Variants in TNFSF4 observed in about 807,000 individuals in gnomAD.
TNFSF4 encodes the protein tumor necrosis factor ligand superfamily member 4.
A neutral mutation model predicts 7.3 loss-of-function variants in TNFSF4; 4 were observed. That is an observed-to-expected ratio of 0.55 (90% CI 0.27 to 1.25). The LOEUF is 1.25. Among genes scored for constraint, TNFSF4 ranks in the 50% most tolerant of loss-of-function variants. The pLI, the probability that TNFSF4 is intolerant of heterozygous loss-of-function variation, is 0.12. For synonymous variants in TNFSF4, 76 were observed against 83.7 expected, an observed-to-expected ratio of 0.91 and a Z score of 0.50; for missense variants, 181 against 208.8, an observed-to-expected ratio of 0.87 and a Z score of 0.82.
the TNFSF4 span, among the ~76,000 whole-genome samples, chr1:173,351,007 C>T: frequency 2.0e-5 from 3 of 152,128 alleles, no homozygotes; most frequent in Non-Finnish European, 4.4e-5. Context: ...CACCCAGCAG[C>T]CCATAGGAAA....
At chr1:173,277,990 T>G in the TNFSF4 span, among the ~76,000 whole-genome samples, 1 of 152,004 alleles carries the variant, frequency 6.6e-6, no homozygotes, top group Non-Finnish European at 1.5e-5. Flanking sequence ...GTGTAAAACT[T>G]TAGTGTAGGT....
the TNFSF4 span, among the ~76,000 whole-genome samples, chr1:173,355,903 T>C: frequency 5.9e-5 from 9 of 152,100 alleles, no homozygotes; most frequent in African/African-American, 2.2e-4. Context: ...TAGTCAAGGG[T>C]GAGAATACAG....
the TNFSF4 span, among the ~76,000 whole-genome samples, chr1:173,428,867 C>A: frequency 1.3e-5 from 2 of 152,028 alleles, no homozygotes; most frequent in Non-Finnish European, 2.9e-5. Context: ...TGTGGCCAGG[C>A]ATGGTGGCAG....
the TNFSF4 span, among the ~76,000 whole-genome samples, chr1:173,268,472 A>C: frequency 2.0e-5 from 3 of 152,114 alleles, no homozygotes; most frequent in Non-Finnish European, 4.4e-5. Flanking sequence ...CCCGTAGGCT[A>C]AGGTAAGTTA....
the TNFSF4 span, among the ~76,000 whole-genome samples, chr1:173,430,993 A>C: frequency 6.6e-6 from 1 of 152,228 alleles, no homozygotes; most frequent in South Asian, 2.1e-4. Flanking sequence ...GGTAAATTTG[A>C]ATTTTGAATG....
chr1:173,359,112 T>G, the TNFSF4 span, among the ~76,000 whole-genome samples: 13 of 152,194 alleles, frequency 8.5e-5, no homozygotes, highest in African/African-American at 3.1e-4. Context: ...GCGTTTAACT[T>G]TATCTTGTGC....
chr1:173,447,238 G>A, the TNFSF4 span, among the ~76,000 whole-genome samples: 1 of 152,210 alleles, frequency 6.6e-6, no homozygotes, highest in Non-Finnish European at 1.5e-5. Context: ...AGCAGGGAAG[G>A]AGAGATGAAT....
At chr1:173,411,141 T>A in the TNFSF4 span, among the ~76,000 whole-genome samples, 1 of 152,162 alleles carries the variant, frequency 6.6e-6, no homozygotes, top group Non-Finnish European at 1.5e-5. Flanking sequence ...TTGCCCATGG[T>A]CAAAGGAAGA....
the TNFSF4 span, among the ~76,000 whole-genome samples, chr1:173,446,265 T>TA: frequency 4.2e-4 from 63 of 150,900 alleles, 1 homozygote; most frequent in Admixed American, 1.3e-3. Flanking sequence ...ATAGAAACTA[T>TA]AAAAAAAAAG....
At chr1:173,308,113 C>T in the TNFSF4 span, among the ~76,000 whole-genome samples, 1 of 151,810 alleles carries the variant, frequency 6.6e-6, no homozygotes, top group Non-Finnish European at 1.5e-5. Context: ...AATACAATCC[C>T]TTTGTCAGCA....
At chr1:173,301,704 C>T in the TNFSF4 span, among the ~76,000 whole-genome samples, 61 of 151,826 alleles carry the variant, frequency 4.0e-4, no homozygotes, top group Admixed American at 3.9e-3. Flanking sequence ...CACACTGTCA[C>T]TCCTTCATAT....
chr1:173,332,167 A>G, the TNFSF4 span, among the ~76,000 whole-genome samples: 2 of 152,294 alleles, frequency 1.3e-5, no homozygotes, highest in South Asian at 4.1e-4. Flanking sequence ...TGCCTGAATG[A>G]CTGTAATCCT....
the TNFSF4 span, among the ~76,000 whole-genome samples, chr1:173,372,782 T>C: frequency 6.6e-6 from 1 of 152,198 alleles, no homozygotes; most frequent in Non-Finnish European, 1.5e-5. Context: ...CCCTTAACCC[T>C]GCTACTTTTC....
At chr1:173,237,638 G>A in the TNFSF4 span, among the ~76,000 whole-genome samples, 1 of 152,110 alleles carries the variant, frequency 6.6e-6, no homozygotes, top group Non-Finnish European at 1.5e-5. Flanking sequence ...GTCAACTCAG[G>A]AATGCAATCC....
chr1:173,379,534 GAT>G, the TNFSF4 span, among the ~76,000 whole-genome samples: 1 of 152,112 alleles, frequency 6.6e-6, no homozygotes, highest in Non-Finnish European at 1.5e-5. Context: ...GATCCTAAAA[GAT>G]AAGTTTATTA....
chr1:173,259,871 C>A, the TNFSF4 span, among the ~76,000 whole-genome samples: 2 of 151,762 alleles, frequency 1.3e-5, no homozygotes, highest in South Asian at 4.2e-4. Flanking sequence ...ACAACTGGGG[C>A]ACCTGAAAGA....
At chr1:173,384,338 A>C in the TNFSF4 span, among the ~76,000 whole-genome samples, 1 of 152,356 alleles carries the variant, frequency 6.6e-6, no homozygotes, top group Non-Finnish European at 1.5e-5. Context: ...GATCGGGAGA[A>C]GCAGGTCAAG....
At chr1:173,355,352 A>C in the TNFSF4 span, among the ~76,000 whole-genome samples, 3 of 152,326 alleles carry the variant, frequency 2.0e-5, no homozygotes, top group South Asian at 6.2e-4. Flanking sequence ...GCATGTGGAC[A>C]TCTTTGCGGG....
chr1:173,229,499 C>G, the TNFSF4 span, among the ~76,000 whole-genome samples: 1 of 152,152 alleles, frequency 6.6e-6, no homozygotes, highest in Non-Finnish European at 1.5e-5. Flanking sequence ...TAAAGACCAT[C>G]GATGCTAGGA....
Sources: gnomAD v4.1 joint callset for allele counts (sites outside exome capture counted in the v4.1 genomes callset) on GRCh38, gnomAD v4.1.1 for gene constraint, MANE v1.5 for transcripts, NCBI Gene and HGNC (gene_info 2026-07-23, HGNC 2026-07-21) for gene names.